Variants in TRPM5 observed in about 807,000 individuals in gnomAD.
TRPM5 encodes MLSN1 and TRP-related.
In TRPM5, 121 loss-of-function variants were observed where a neutral mutation model predicts 124.9. The observed-to-expected ratio is 0.97, with a 90% CI of 0.84 to 1.13. TRPM5 has a LOEUF of 1.13. TRPM5 is among the 50% of genes most tolerant of loss of function. The pLI, the probability that TRPM5 is intolerant of heterozygous loss-of-function variation, is 0.00. For missense variants in TRPM5, 1,643 were observed against 1,589.1 expected, an observed-to-expected ratio of 1.03 and a Z score of -0.58; for synonymous variants, 781 against 700.5, an observed-to-expected ratio of 1.11 and a Z score of -1.81.
the TRPM5 span, among the ~76,000 whole-genome samples, chr11:2,430,177 C>T: frequency 1.3e-5 from 2 of 152,144 alleles, no homozygotes; most frequent in African/African-American, 4.8e-5. Context: ...GCCTTGGAGC[C>T]TTGGCTTCTG....
At chr11:2,418,036 G>C in intron 6 of TRPM5, 131 bp downstream of exon 11, 1 of 1,002,248 alleles carries the variant, frequency 1.0e-6, no homozygotes, top group Non-Finnish European at 1.5e-6. Context: ...CCTGAAGCGA[G>C]AGTGGGTGGG....
intron 17 of TRPM5, 41 bp downstream of exon 22, chr11:2,411,594 C>T (rs1414943564): frequency 1.2e-6 from 2 of 1,610,726 alleles, no homozygotes; most frequent in Non-Finnish European, 1.7e-6. Context: ...CAGGGGATTG[C>T]TGTCCCTCCA....
chr11:2,414,116 A>T, exon 12 of TRPM5: 1 of 1,599,844 alleles, frequency 6.3e-7, no homozygotes, highest in Non-Finnish European at 8.5e-7. Flanking sequence ...GGCCAGGTGC[A>T]GGCAGGTGGT....
At chr11:2,415,636 G>A (rs1318131587) in intron 8 of TRPM5, among the ~76,000 whole-genome samples, 165 bp from the exon 14 acceptor site, 4 of 152,216 alleles carry the variant, frequency 2.6e-5, no homozygotes, top group African/African-American at 9.6e-5. Context: ...CCCTGCATTG[G>A]GGCGGGCACA....
upstream of TRPM5, among the ~76,000 whole-genome samples, chr11:2,425,062 C>T (rs888610348): frequency 4.6e-5 from 7 of 152,202 alleles, no homozygotes; most frequent in Non-Finnish European, 5.9e-5. Context: ...TACGGCCTCC[C>T]GCGCTGGTGG....
At position 2,423,020 on chromosome 11, in the gene TRPM5, C is replaced by T. The variant is rs199796933; in HGVS notation, c.17G>A (p.Gly6Asp). The change falls in exon 1 of 24, where the codon GGC (glycine) becomes GAC (aspartate). Residue 6 changes from glycine (G) to aspartate (D), a missense_variant. Gly to Asp is a moderately conservative substitution (Grantham distance 94). Coordinates refer to ENST00000155858, the Ensembl canonical transcript of TRPM5. ...ATCCCCGGGGCTTCCGGGACGGGGG[C>T]CTTGGACATCCTGCATGGTGGCCTC... The T allele has an allele frequency of 1.3e-4, 212 of 1,611,780 alleles. 3 individuals are homozygous for T. In the Admixed American group the frequency reaches 2.7e-3, roughly 20 times the overall value.
chr11:2,414,259 C>T, intron 11 of TRPM5, 53 bp from the exon 17 acceptor site: 1 of 1,557,502 alleles, frequency 6.4e-7, no homozygotes, highest in Non-Finnish European at 8.7e-7. Flanking sequence ...CCGGCCCGGC[C>T]CCCGACGCCC....
At position 2,411,705 on chromosome 11, in the gene TRPM5, G is replaced by A. The variant is rs567364051; in HGVS notation, c.2537C>T (p.Thr846Met). 29 of 1,612,672 alleles carry A rather than the reference G, an allele frequency of 1.8e-5. No individual in the cohort carries two copies. Among genetic ancestry groups the A allele is most frequent in the African/African-American group, 6.7e-5 (5 of 74,890 alleles). The change falls in exon 17 of 24, where the codon ACG becomes ATG. Residue 846 changes from threonine to methionine, a missense_variant. Thr to Met is a moderately conservative substitution (Grantham distance 81, BLOSUM62 -1). Transcript: ENST00000155858. ...GGCAAAGATATGGATCAGCCGCAGC[G>A]TGAACACCATGAAGTCCATGGCGAG...
exon 13 of TRPM5, chr11:2,413,570 A>G (rs1850498950): frequency 6.2e-7 from 1 of 1,612,426 alleles, no homozygotes; most frequent in African/African-American, 1.3e-5. Context: ...TCCCCCCACC[A>G]GATCCTGGTC....
chr11:2,431,026 C>T, the TRPM5 span, among the ~76,000 whole-genome samples: 73 of 152,156 alleles, frequency 4.8e-4, no homozygotes, highest in African/African-American at 1.5e-3. Flanking sequence ...CATGTTATAA[C>T]GCTAGCAGCT....
chr11:2,423,205 C>A (rs968862732), upstream of TRPM5, among the ~76,000 whole-genome samples: 4 of 152,278 alleles, frequency 2.6e-5, no homozygotes, highest in East Asian at 7.7e-4. Flanking sequence ...GCCCCAGGGA[C>A]CTTCTCTCCA....
At chr11:2,413,454 G>A (rs11601544) in intron 13 of TRPM5, 22 bp downstream of exon 18, 364,033 of 1,587,978 alleles carry the variant, frequency 0.23, 43,000 homozygotes, top group Middle Eastern at 0.34. Context: ...TCCTGGCCGG[G>A]CAGCTCACAG....
chr11:2,417,722 C>CCCCCCCCCTT lies in TRPM5; in HGVS notation c.1009+4_1009+5insAAGGGGGGGG. 6.4e-7 allele frequency: 1 copy of CCCCCCCCCTT among 1,568,136 alleles called. No homozygotes were observed. Among genetic ancestry groups the CCCCCCCCCTT allele is most frequent in the Non-Finnish European group, 8.7e-7 (1 of 1,151,142 alleles). On this transcript the variant is annotated splice_donor_region_variant and intron_variant, in intron 7 of 23. Transcript: ENST00000155858. ...GCCTGCCTTGCCCACCCTGCCCGCC[C>CCCCCCCCCTT]TCACCTTTCACCAGCGCCTTCAGGA... is the stretch of plus-strand genomic sequence containing the variant.
At chr11:2,405,464 C>T in intron 23 of TRPM5, 63 bp downstream of exon 28, 6 of 1,505,302 alleles carry the variant, frequency 4.0e-6, no homozygotes, top group East Asian at 4.9e-5. Flanking sequence ...CCTACGGCCC[C>T]CCAGCCGCTG....
At chr11:2,412,370 G>A (rs1850470403) in intron 15 of TRPM5, 117 bp from the exon 21 acceptor site, 1 of 795,044 alleles carries the variant, frequency 1.3e-6, no homozygotes, top group Non-Finnish European at 2.1e-6. Context: ...CCAGGGCCGA[G>A]GCTACCAGTG....
Position 2,406,060 on chromosome 11 carries a change from G to GC in TRPM5, c.3282_3283insG (p.Leu1095AlafsTer27), listed in dbSNP as rs1435175099. ...TTGATGCGCTTTTCTTGCTCTCTCA[G>GC]ACCCCCGAGGTACTTGGCAATGAAG... On this transcript the variant is annotated frameshift_variant, in exon 22 of 24. Coordinates refer to ENST00000155858, the Ensembl canonical transcript of TRPM5. LOFTEE classifies it high-confidence loss of function. 1 of 1,612,390 alleles carries GC rather than the reference G, an allele frequency of 6.2e-7. No individual in the cohort carries two copies.
At chr11:2,413,342 A>G in intron 13 of TRPM5, 116 bp from the exon 19 acceptor site, 3 of 1,303,492 alleles carry the variant, frequency 2.3e-6, no homozygotes, top group Non-Finnish European at 3.1e-6. Context: ...GGGGAGTGGG[A>G]CCCGCAGGGA....
In TRPM5 at chr11:2,418,592, C is replaced by G. The variant is rs775846531; in HGVS notation, c.650-1G>C. The G allele has an allele frequency of 1.9e-6, 3 of 1,610,832 alleles. No homozygotes were observed. The Admixed American group carries it at 5.0e-5, about 27-fold the overall frequency. On this transcript the variant is annotated splice_acceptor_variant, in intron 4 of 23. Coordinates refer to ENST00000155858, the Ensembl canonical transcript of TRPM5. LOFTEE classifies it high-confidence loss of function. ...ACAGGGATCTCGATGCTGCCAGTGC[C>G]TGTGGACAGGGCACCCGTGAGGCCT... is the stretch of plus-strand genomic sequence containing the variant.
intron 12 of TRPM5, 24 bp downstream of exon 17, chr11:2,414,026 CCTGGCAGCTCT>C: frequency 3.2e-6 from 5 of 1,543,152 alleles, no homozygotes; most frequent in Admixed American, 2.0e-5. Context: ...CACCCCACCC[CCTGGCAGCTCT>C]CCTCGAGGAC....
Sources: gnomAD v4.1 joint callset for allele counts (sites outside exome capture counted in the v4.1 genomes callset) on GRCh38, gnomAD v4.1.1 for gene constraint, MANE v1.5 for transcripts, NCBI Gene and HGNC (gene_info 2026-07-23, HGNC 2026-07-21) for gene names.